The following LGSN variants were observed in gnomAD, a reference collection of about 807,000 sequenced individuals.
LGSN encodes lengsin, lens protein with glutamine synthetase domain.
LGSN carries 21 observed loss-of-function variants against 19.5 expected under a neutral mutation model. The ratio of observed to expected loss-of-function variants is 1.07; its 90% CI spans 0.76 to 1.55. The LOEUF (loss-of-function observed/expected upper bound fraction) is 1.55, where lower values mean the gene tolerates loss of function less well. Ranked by LOEUF, LGSN falls within the 40% of genes most tolerant of loss-of-function variation. The probability of loss-of-function intolerance (pLI) is 0.00; values close to 1 mark genes in which losing one functional copy is unlikely to be tolerated. For missense variants in LGSN, 673 were observed against 608.5 expected (o/e 1.11, Z -1.12); for synonymous variants, 257 against 215.6 (o/e 1.19, Z -1.68).
chr6:63,380,125 A>G, the LGSN span, among the ~76,000 whole-genome samples: 1 of 152,230 alleles, frequency 6.6e-6, no homozygotes, highest in African/African-American at 2.4e-5. Context: ...GGCATGAGCC[A>G]CCACGCCCGG....
intron 2 of LGSN, among the ~76,000 whole-genome samples, chr6:63,290,399 A>G (rs945135129): frequency 1.3e-5 from 2 of 152,250 alleles, no homozygotes; most frequent in Non-Finnish European, 1.5e-5. Flanking sequence ...AGCTAAAACT[A>G]GAATATATAA....
In LGSN at chr6:63,290,307, T is replaced by G. The variant is rs182048789; in HGVS notation, c.164-4554A>C. Among the ~76,000 whole-genome samples, 17 of 152,310 alleles carry G rather than the reference T, an allele frequency of 1.1e-4. No homozygotes were observed. In the East Asian group the frequency reaches 3.1e-3, roughly 28 times the overall value. Reference sequence around the variant, plus strand: ...CCATGCTGTAAGTCACAATTGACAGTGCAAAGAGAGCTCATGATACAAGAT... The same window carrying G: ...CCATGCTGTAAGTCACAATTGACAGGGCAAAGAGAGCTCATGATACAAGAT... On this transcript the variant is annotated intron_variant, in intron 2 of 3. Transcript: ENST00000370657.
the LGSN span, among the ~76,000 whole-genome samples, chr6:63,543,458 G>A: frequency 9.8e-5 from 15 of 152,296 alleles, no homozygotes; most frequent in Non-Finnish European, 2.1e-4. Context: ...AGCTCTTTAT[G>A]AAAAGGGATA....
the LGSN span, among the ~76,000 whole-genome samples, chr6:63,420,526 G>A: frequency 2.6e-5 from 4 of 152,184 alleles, no homozygotes; most frequent in East Asian, 7.7e-4. Flanking sequence ...AGCTCAGCTG[G>A]GCCTCTGATA....
chr6:63,363,518 G>A, the LGSN span, among the ~76,000 whole-genome samples: 158 of 152,306 alleles, frequency 1.0e-3, no homozygotes, highest in African/African-American at 3.7e-3. Flanking sequence ...ACCTGATGGA[G>A]CTGAAAACCA....
intron 1 of LGSN, among the ~76,000 whole-genome samples, chr6:63,300,477 G>A (rs934309880): frequency 2.6e-5 from 4 of 152,024 alleles, no homozygotes; most frequent in Non-Finnish European, 4.4e-5. Flanking sequence ...GACCAGCCTA[G>A]GCAACATGGT....
the LGSN span, among the ~76,000 whole-genome samples, chr6:63,412,772 G>GAAAGA: frequency 0.1 from 4,209 of 40,962 alleles, 178 homozygotes; most frequent in East Asian, 0.13. Flanking sequence ...AGAAAGAAAG[G>GAAAGA]AAGGAAGGGA....
chr6:63,340,766 C>T, the LGSN span, among the ~76,000 whole-genome samples: 2 of 150,824 alleles, frequency 1.3e-5, no homozygotes, highest in African/African-American at 4.9e-5. Flanking sequence ...CATAGTTTTC[C>T]TTTACTTAGG....
the LGSN span, among the ~76,000 whole-genome samples, chr6:63,509,481 C>A: frequency 6.6e-6 from 1 of 151,776 alleles, no homozygotes; most frequent in Non-Finnish European, 1.5e-5. Context: ...ATTAGGTGTG[C>A]GCATGTTGTA....
chr6:63,454,111 A>G, the LGSN span, among the ~76,000 whole-genome samples: 130 of 152,236 alleles, frequency 8.5e-4, no homozygotes, highest in Non-Finnish European at 1.7e-3. Context: ...TCCTGATGCT[A>G]CTTCTCAAAT....
chr6:63,325,973 T>C, the LGSN span, among the ~76,000 whole-genome samples: 2 of 152,154 alleles, frequency 1.3e-5, no homozygotes, highest in Non-Finnish European at 2.9e-5. Flanking sequence ...ATCCCGCTGA[T>C]TGGTAGAGCC....
the LGSN span, among the ~76,000 whole-genome samples, chr6:63,537,593 G>A: frequency 6.6e-6 from 1 of 152,186 alleles, no homozygotes; most frequent in Non-Finnish European, 1.5e-5. Flanking sequence ...CAATGAATTA[G>A]TTGAATTCTG....
chr6:63,290,954 G>T (rs1582027626), intron 2 of LGSN, among the ~76,000 whole-genome samples: 1 of 152,178 alleles, frequency 6.6e-6, no homozygotes, highest in Admixed American at 6.5e-5. Context: ...ATCAACAGCC[G>T]CCTGATGTTC....
the LGSN span, among the ~76,000 whole-genome samples, chr6:63,511,121 C>G: frequency 6.6e-6 from 1 of 152,254 alleles, no homozygotes; most frequent in East Asian, 1.9e-4. Flanking sequence ...ACACAAGTGC[C>G]TGGTTCTACA....
At chr6:63,330,216 T>C in the LGSN span, among the ~76,000 whole-genome samples, 3 of 152,370 alleles carry the variant, frequency 2.0e-5, no homozygotes, top group Admixed American at 2.0e-4. Flanking sequence ...TAAAGTGTCC[T>C]AGTAAACCAC....
chr6:63,345,164 T>C, the LGSN span, among the ~76,000 whole-genome samples: 1 of 152,202 alleles, frequency 6.6e-6, no homozygotes, highest in Non-Finnish European at 1.5e-5. Context: ...ATGCTAATGC[T>C]AAAAACATTA....
the LGSN span, among the ~76,000 whole-genome samples, chr6:63,422,847 A>T: frequency 6.6e-6 from 1 of 152,216 alleles, no homozygotes; most frequent in Admixed American, 6.5e-5. Context: ...ACAAAATGGC[A>T]GACTTCACTC....
At chr6:63,424,369 T>C in the LGSN span, among the ~76,000 whole-genome samples, 1 of 152,140 alleles carries the variant, frequency 6.6e-6, no homozygotes, top group Admixed American at 6.6e-5. Flanking sequence ...CAGGCCTAGA[T>C]ATTTTCACTG....
chr6:63,303,976 C>T (rs1171415749), intron 1 of LGSN, among the ~76,000 whole-genome samples: 1 of 152,188 alleles, frequency 6.6e-6, no homozygotes, highest in Non-Finnish European at 1.5e-5. Flanking sequence ...TCTCTTCCAT[C>T]GTGAGATTCT....
Sources: gnomAD v4.1 joint callset for allele counts (sites outside exome capture counted in the v4.1 genomes callset) on GRCh38, gnomAD v4.1.1 for gene constraint, MANE v1.5 for transcripts, NCBI Gene and HGNC (gene_info 2026-07-23, HGNC 2026-07-21) for gene names.